SSH1: variants seen among roughly 807,000 people sequenced by gnomAD.
The protein encoded by SSH1 is slingshot protein phosphatase 1, also known as protein phosphatase Slingshot homolog 1.
SSH1 carries 43 observed loss-of-function variants against 79.7 expected under a neutral mutation model. The observed-to-expected ratio is 0.54, with a 90% CI of 0.42 to 0.70. SSH1 has a LOEUF of 0.70. Ranked by LOEUF, SSH1 falls within the 30% of genes least tolerant of loss-of-function variation. The pLI is 0.00. For missense variants in SSH1, 1,206 were observed against 1,358.8 expected, an observed-to-expected ratio of 0.89 and a Z score of 1.77; for synonymous variants, 599 against 538.3, an observed-to-expected ratio of 1.11 and a Z score of -1.56.
intron 1 of SSH1, among the ~76,000 whole-genome samples, chr12:108,855,314 G>C (rs2039121906): frequency 6.6e-6 from 1 of 152,188 alleles, no homozygotes; most frequent in South Asian, 2.1e-4. Context: ...AAGTAGATTA[G>C]TGGTTGCCTA....
At chr12:108,802,650 G>A (rs1303512990) in intron 10 of SSH1, among the ~76,000 whole-genome samples, 3 of 152,102 alleles carry the variant, frequency 2.0e-5, no homozygotes, top group Non-Finnish European at 2.9e-5. Context: ...CCTGCTCTCC[G>A]TCTCCCCACT....
intron 2 of SSH1, among the ~76,000 whole-genome samples, chr12:108,843,787 G>A (rs1475840634): frequency 6.6e-5 from 10 of 152,064 alleles, no homozygotes; most frequent in Admixed American, 2.6e-4. Context: ...CGCCCGCCTC[G>A]GCCTCCCAAA....
At chr12:108,790,014 CCTT>C (rs2036435978) in intron 14 of SSH1, among the ~76,000 whole-genome samples, 2 of 152,178 alleles carry the variant, frequency 1.3e-5, no homozygotes, top group African/African-American at 2.4e-5. Flanking sequence ...CTCAACACCT[CCTT>C]ATGTCCTTGC....
Position 108,852,647 on chromosome 12 carries a change from A to C in SSH1, c.101T>G (p.Leu34Ter). Residue 34 changes from leucine to a stop codon, truncating the protein, a stop_gained, in exon 2 of 15, where the codon TTA becomes TGA. Transcript: ENST00000326495. LOFTEE classifies it high-confidence loss of function. Reference protein sequence around the residue: ...LEAGSEEDRKLNLSLSESFFM... With the variant: ...LEAGSEEDRK ...TTGAAAGTCTGCTTACCTGAGGTTT[A>C]ATTTTCGATCTTCTTCGCTGCCAGC... 1 of 1,614,166 alleles carries C rather than the reference A, an allele frequency of 6.2e-7. No individual in the cohort carries two copies. Among genetic ancestry groups the C allele is most frequent in the Non-Finnish European group, 8.5e-7 (1 of 1,180,036 alleles).
chr12:108,855,374 T>C (rs1167291312), intron 1 of SSH1, among the ~76,000 whole-genome samples: 1 of 152,150 alleles, frequency 6.6e-6, no homozygotes, highest in African/African-American at 2.4e-5. Context: ...GGCTAACGGG[T>C]ACAGGGTTCC....
intron 2 of SSH1, 114 bp from the exon 3 acceptor site, chr12:108,823,475 A>T (rs1047219602): frequency 1.2e-6 from 1 of 831,172 alleles, no homozygotes; most frequent in African/African-American, 1.7e-5. Context: ...TAAAATGCAA[A>T]TAGGATGAAA....
At chr12:108,837,176 G>C (rs889151147) in intron 2 of SSH1, among the ~76,000 whole-genome samples, 1 of 152,142 alleles carries the variant, frequency 6.6e-6, no homozygotes, top group African/African-American at 2.4e-5. Flanking sequence ...AGGTTGCAGC[G>C]AGCTGAGATA....
intron 3 of SSH1, among the ~76,000 whole-genome samples, chr12:108,821,626 C>T (rs879553013): frequency 9.9e-5 from 15 of 152,090 alleles, no homozygotes; most frequent in Admixed American, 2.6e-4. Flanking sequence ...CGACCTGTTA[C>T]GGCTTAGTAA....
chr12:108,797,232 C>A (rs1357036840), intron 13 of SSH1, among the ~76,000 whole-genome samples: 2 of 152,048 alleles, frequency 1.3e-5, no homozygotes, highest in Admixed American at 6.5e-5. Flanking sequence ...GCTCAAGCAA[C>A]CCTCTGATCT....
chr12:108,811,689 G>T, intron 5 of SSH1: 2 of 382,186 alleles, frequency 5.2e-6, no homozygotes, highest in South Asian at 4.6e-5. Context: ...CCTGGGTGGC[G>T]GCAGGGGGAG....
intron 13 of SSH1, 142 bp downstream of exon 13, chr12:108,798,858 C>T: frequency 1.1e-6 from 1 of 903,702 alleles, no homozygotes; most frequent in Non-Finnish European, 1.8e-6. Flanking sequence ...ACTGGCTCCC[C>T]CTGAGAGGCA....
At chr12:108,842,085 T>C (rs975495256) in intron 2 of SSH1, among the ~76,000 whole-genome samples, 1 of 151,984 alleles carries the variant, frequency 6.6e-6, no homozygotes, top group Non-Finnish European at 1.5e-5. Flanking sequence ...GCTGTAATCA[T>C]GCCACTGTAC....
At chr12:108,823,026 C>A (rs1233363093) in intron 3 of SSH1, among the ~76,000 whole-genome samples, 2 of 152,234 alleles carry the variant, frequency 1.3e-5, no homozygotes, top group African/African-American at 4.8e-5. Flanking sequence ...TGCATCCCAG[C>A]AGGATGCTGC....
intron 10 of SSH1, among the ~76,000 whole-genome samples, 157 bp from the exon 11 acceptor site, chr12:108,802,525 A>G (rs2037059306): frequency 6.6e-6 from 1 of 152,100 alleles, no homozygotes; most frequent in Non-Finnish European, 1.5e-5. Flanking sequence ...ATATTCAAGG[A>G]GATTCCTGAG....
intron 6 of SSH1, 77 bp from the exon 7 acceptor site, chr12:108,809,835 G>C: frequency 7.9e-7 from 1 of 1,262,556 alleles, no homozygotes; most frequent in Non-Finnish European, 1.2e-6. Flanking sequence ...TGGGAGGAGG[G>C]AGCCAAACCA....
At chr12:108,805,694 TAA>T (rs34446364) in intron 9 of SSH1, among the ~76,000 whole-genome samples, 5 of 144,522 alleles carry the variant, frequency 3.5e-5, no homozygotes, top group Non-Finnish European at 3.0e-5. Context: ...CCAAGTCTCT[TAA>T]AAAAAAAAAA....
At chr12:108,811,517 G>C (rs916736710) in intron 5 of SSH1, 189 bp from the exon 6 acceptor site, 1 of 651,770 alleles carries the variant, frequency 1.5e-6, no homozygotes, top group African/African-American at 1.8e-5. Flanking sequence ...ACACAACTCC[G>C]TAAGTGCTCA....
At chr12:108,853,625 C>T (rs1401134573) in intron 1 of SSH1, among the ~76,000 whole-genome samples, 1 of 151,998 alleles carries the variant, frequency 6.6e-6, no homozygotes, top group East Asian at 1.9e-4. Context: ...GCAACTTCAA[C>T]CAAGAATGAG....
intron 1 of SSH1, among the ~76,000 whole-genome samples, chr12:108,855,359 G>C (rs74472772): frequency 0.057 from 8,752 of 152,254 alleles, 835 homozygotes; most frequent in African/African-American, 0.19. Context: ...GAGGCTGCAG[G>C]TGAGGGCTAA....
Sources: allele counts gnomAD v4.1 joint callset (sites outside exome capture counted in the v4.1 genomes callset), GRCh38; gene constraint gnomAD v4.1.1; transcripts MANE v1.5; gene names NCBI Gene and HGNC (gene_info 2026-07-23, HGNC 2026-07-21).